RIMS2: variants seen among roughly 807,000 people sequenced by gnomAD.
The protein encoded by RIMS2 is regulating synaptic membrane exocytosis 2.
In RIMS2, 59 loss-of-function variants were observed where a neutral mutation model predicts 174.4. The ratio of observed to expected loss-of-function variants is 0.34; its 90% confidence interval spans 0.27 to 0.42. The LOEUF (loss-of-function observed/expected upper bound fraction) is 0.42, where lower values mean the gene tolerates loss of function less well. RIMS2 is among the 10% of genes least tolerant of loss of function. The pLI is 1.00. For missense variants in RIMS2, 1,620 were observed against 1,666.3 expected, an observed-to-expected ratio of 0.97 and a Z score of 0.48; for synonymous variants, 606 against 572.5, an observed-to-expected ratio of 1.06 and a Z score of -0.84.
At chr8:103,829,626 T>C (rs2098813532) in intron 3 of RIMS2, among the ~76,000 whole-genome samples, 1 of 152,144 alleles carries the variant, frequency 6.6e-6, no homozygotes, top group African/African-American at 2.4e-5. Flanking sequence ...AAATACTGCA[T>C]GTTCTCACTT....
intron 3 of RIMS2, among the ~76,000 whole-genome samples, chr8:103,770,173 A>C: frequency 1.3e-5 from 2 of 152,326 alleles, no homozygotes; most frequent in Admixed American, 1.3e-4. Context: ...TTTTGTAAAC[A>C]AAGTTCTTTT....
chr8:103,669,285 CT>C (rs1212952046), intron 1 of RIMS2, among the ~76,000 whole-genome samples: 3 of 152,162 alleles, frequency 2.0e-5, no homozygotes, highest in Non-Finnish European at 4.4e-5. Context: ...TTGTCTCCCC[CT>C]GGGTTCTTCC....
intron 2 of RIMS2, among the ~76,000 whole-genome samples, chr8:103,717,390 G>T (rs2097384693): frequency 6.6e-6 from 1 of 150,752 alleles, no homozygotes. Context: ...CTGTAGACAT[G>T]TCCCAGACTG....
chr8:103,845,112 C>T (rs6989899), intron 3 of RIMS2, among the ~76,000 whole-genome samples: 17,271 of 151,982 alleles, frequency 0.11, 1,324 homozygotes, highest in African/African-American at 0.22. Context: ...TTTATTGTTG[C>T]TTGTGAAAGT....
intron 3 of RIMS2, among the ~76,000 whole-genome samples, chr8:103,857,476 C>T (rs1343831558): frequency 1.3e-5 from 2 of 151,942 alleles, no homozygotes; most frequent in African/African-American, 4.8e-5. Flanking sequence ...TAAAAGTCCT[C>T]GTTTATCAAT....
intron 3 of RIMS2, among the ~76,000 whole-genome samples, chr8:103,827,109 T>C (rs2098795969): frequency 6.6e-6 from 1 of 152,200 alleles, no homozygotes; most frequent in African/African-American, 2.4e-5. Context: ...TCCAGTGGTG[T>C]ATCTCTTCAT....
At chr8:103,917,679 T>G (rs1279201542) in intron 8 of RIMS2, among the ~76,000 whole-genome samples, 1 of 152,184 alleles carries the variant, frequency 6.6e-6, no homozygotes, top group Non-Finnish European at 1.5e-5. Context: ...AATGTTGAGA[T>G]TCCCCATAAG....
chr8:103,786,023 A>C (rs1031420242), intron 3 of RIMS2, among the ~76,000 whole-genome samples: 53 of 152,284 alleles, frequency 3.5e-4, no homozygotes, highest in African/African-American at 1.2e-3. Context: ...CGAGGAATGT[A>C]TCCATTTCTT....
At chr8:104,121,515 C>T (rs1599372140) in intron 19 of RIMS2, among the ~76,000 whole-genome samples, 1 of 152,166 alleles carries the variant, frequency 6.6e-6, no homozygotes, top group East Asian at 1.9e-4. Flanking sequence ...AGTAAGGTTC[C>T]AGACTAAAGC....
chr8:104,043,123 G>A (rs1273988096), intron 19 of RIMS2, among the ~76,000 whole-genome samples: 4 of 151,584 alleles, frequency 2.6e-5, no homozygotes, highest in Non-Finnish European at 5.9e-5. Flanking sequence ...GAACTAGACA[G>A]TAATGATCTT....
chr8:103,638,659 T>C (rs114659960), intron 1 of RIMS2, among the ~76,000 whole-genome samples: 6 of 152,228 alleles, frequency 3.9e-5, no homozygotes, highest in African/African-American at 1.4e-4. Context: ...TCTCATTTTC[T>C]GGCATTACAA....
intron 1 of RIMS2, among the ~76,000 whole-genome samples, chr8:103,691,552 G>A (rs2097025329): frequency 6.6e-6 from 1 of 152,046 alleles, no homozygotes; most frequent in East Asian, 1.9e-4. Context: ...CAATCTCTTT[G>A]TTAAATTTAT....
chr8:103,858,615 G>GTA (rs200726657), intron 3 of RIMS2, among the ~76,000 whole-genome samples: 1,725 of 149,376 alleles, frequency 0.012, 20 homozygotes, highest in South Asian at 0.048. Flanking sequence ...GTGTGTGTGT[G>GTA]TATATATATA....
At chr8:103,665,772 A>G (rs113818792) in intron 1 of RIMS2, among the ~76,000 whole-genome samples, 137 of 149,330 alleles carry the variant, frequency 9.2e-4, no homozygotes, top group African/African-American at 3.3e-3. Context: ...ATTTGCTTTC[A>G]TACTTTGCAT....
intron 1 of RIMS2, among the ~76,000 whole-genome samples, chr8:103,653,457 A>G (rs2096485538): frequency 6.6e-6 from 1 of 152,164 alleles, no homozygotes; most frequent in African/African-American, 2.4e-5. Context: ...TATTCTCCTG[A>G]CAGTTGTCAT....
At chr8:103,979,016 A>G (rs2093676575) in intron 16 of RIMS2, among the ~76,000 whole-genome samples, 1 of 152,202 alleles carries the variant, frequency 6.6e-6, no homozygotes, top group African/African-American at 2.4e-5. Context: ...CCCAGATAAA[A>G]CATTGTCTCT....
At chr8:104,249,821 C>T (rs187601496) in intron 22 of RIMS2, among the ~76,000 whole-genome samples, 86 of 152,206 alleles carry the variant, frequency 5.7e-4, no homozygotes, top group African/African-American at 1.9e-3. Context: ...ATAGTAGAAA[C>T]CACTGCAAAA....
intron 3 of RIMS2, among the ~76,000 whole-genome samples, chr8:103,810,019 G>T (rs1383929103): frequency 6.6e-6 from 1 of 152,172 alleles, no homozygotes; most frequent in Non-Finnish European, 1.5e-5. Context: ...CTTAGCTTCT[G>T]CATAATTCAG....
chr8:104,036,829 A>T (rs534278538), intron 19 of RIMS2, among the ~76,000 whole-genome samples: 1 of 152,218 alleles, frequency 6.6e-6, no homozygotes, highest in Admixed American at 6.5e-5. Flanking sequence ...GTGAGCCAAG[A>T]TCGTGCCACT....
Sources: allele counts gnomAD v4.1 joint callset (sites outside exome capture counted in the v4.1 genomes callset), GRCh38; gene constraint gnomAD v4.1.1; transcripts MANE v1.5; gene names NCBI Gene and HGNC (gene_info 2026-07-23, HGNC 2026-07-21).